The following SV2C variants were observed in gnomAD, a reference collection of about 807,000 sequenced individuals.
SV2C encodes synaptic vesicle glycoprotein 2C.
SV2C carries 49 observed loss-of-function variants against 79.7 expected under a neutral mutation model. That is an observed-to-expected ratio of 0.61 (90% CI 0.49 to 0.78). The LOEUF is 0.78. SV2C is among the 30% of genes least tolerant of loss of function. The probability of loss-of-function intolerance (pLI) is 0.00; values close to 1 mark genes in which losing one functional copy is unlikely to be tolerated. For synonymous variants in SV2C, 334 were observed against 333.2 expected (o/e 1.00, Z -0.03); for missense variants, 833 against 912.9 (o/e 0.91, Z 1.13).
At chr5:76,132,638 G>A (rs1295710955) in intron 2 of SV2C, among the ~76,000 whole-genome samples, 1 of 151,922 alleles carries the variant, frequency 6.6e-6, no homozygotes, top group Non-Finnish European at 1.5e-5. Context: ...TTTTATCATA[G>A]TTGCATTGGT....
At chr5:75,982,966 G>C in the SV2C span, among the ~76,000 whole-genome samples, 1 of 152,130 alleles carries the variant, frequency 6.6e-6, no homozygotes, top group Non-Finnish European at 1.5e-5. Flanking sequence ...CCTTTTGGAG[G>C]GGGGAGGGTG....
chr5:76,023,971 A>T, the SV2C span, among the ~76,000 whole-genome samples: 7 of 151,722 alleles, frequency 4.6e-5, no homozygotes, highest in Non-Finnish European at 1.0e-4. Flanking sequence ...ACAATAAAAA[A>T]TGTCTTCAAA....
At chr5:76,239,292 A>G (rs1213510801) in intron 4 of SV2C, among the ~76,000 whole-genome samples, 1 of 152,192 alleles carries the variant, frequency 6.6e-6, no homozygotes, top group Non-Finnish European at 1.5e-5. Flanking sequence ...TTAGTCTGCC[A>G]TGTCCATTGA....
chr5:75,981,864 T>G, the SV2C span, among the ~76,000 whole-genome samples: 1 of 152,084 alleles, frequency 6.6e-6, no homozygotes, highest in South Asian at 2.1e-4. Context: ...AAAAATTGAT[T>G]AATGGGATCT....
chr5:76,237,519 G>T (rs1254280061), intron 4 of SV2C, among the ~76,000 whole-genome samples: 1 of 152,122 alleles, frequency 6.6e-6, no homozygotes, highest in Non-Finnish European at 1.5e-5. Context: ...CCCCTGAGTT[G>T]ATCTATTTCT....
chr5:76,318,235 T>C (rs1748701886), intron 12 of SV2C, among the ~76,000 whole-genome samples: 1 of 152,010 alleles, frequency 6.6e-6, no homozygotes, highest in African/African-American at 2.4e-5. Flanking sequence ...CTGGCCAACA[T>C]GGTGAAACCC....
chr5:76,223,484 T>C (rs536257101), intron 4 of SV2C, among the ~76,000 whole-genome samples: 5 of 45,224 alleles, frequency 1.1e-4, no homozygotes, highest in East Asian at 4.2e-4. Context: ...TATATATATA[T>C]ATATATATAT....
intron 1 of SV2C, among the ~76,000 whole-genome samples, chr5:76,110,079 T>C (rs1217321890): frequency 6.6e-6 from 1 of 152,172 alleles, no homozygotes; most frequent in Non-Finnish European, 1.5e-5. Context: ...CTAACAACTG[T>C]AAGTGGTGTC....
chr5:76,088,029 T>C (rs550027452), intron 1 of SV2C, among the ~76,000 whole-genome samples: 1 of 152,294 alleles, frequency 6.6e-6, no homozygotes, highest in East Asian at 1.9e-4. Context: ...CCCTAGGTGG[T>C]CTGGCCTCTG....
chr5:76,282,960 C>T (rs985065653), intron 4 of SV2C, among the ~76,000 whole-genome samples: 6 of 152,182 alleles, frequency 3.9e-5, no homozygotes, highest in South Asian at 2.1e-4. Context: ...TACAGTGAGC[C>T]GAGATCATGC....
the SV2C span, among the ~76,000 whole-genome samples, chr5:75,949,196 GC>G: frequency 6.6e-6 from 1 of 151,978 alleles, no homozygotes; most frequent in Non-Finnish European, 1.5e-5. Context: ...CTCCCCATAA[GC>G]CAAGCAGATG....
chr5:76,033,895 C>G, the SV2C span, among the ~76,000 whole-genome samples: 4 of 151,666 alleles, frequency 2.6e-5, no homozygotes, highest in South Asian at 2.1e-4. Context: ...GAATGTTCTT[C>G]CATTTGTTTG....
the SV2C span, among the ~76,000 whole-genome samples, chr5:75,863,364 A>G: frequency 2.6e-5 from 4 of 152,228 alleles, no homozygotes; most frequent in Admixed American, 6.5e-5. Flanking sequence ...ATTGTACCAA[A>G]TATCATATAG....
Position 76,315,403 on chromosome 5 carries a change from A to C in SV2C, c.2001-9961A>C, listed in dbSNP as rs768152015. On this transcript the variant is annotated intron_variant, in intron 12 of 12. Coordinates refer to ENST00000502798, the MANE Select transcript of SV2C (RefSeq NM_014979.4). ...TTCCATTAAAATGTCTATTACAAAA[A>C]TCGACTTCCAACATATTTGGAAGAT... is the stretch of plus-strand genomic sequence containing the variant. Among the ~76,000 whole-genome samples, 6 of 152,210 alleles carry C rather than the reference A, an allele frequency of 3.9e-5. No individual in the cohort carries two copies. In the South Asian group the frequency reaches 1.2e-3, roughly 32 times the overall value.
Position 76,268,787 on chromosome 5 carries a change from T to C in SV2C, c.914-16375T>C, listed in dbSNP as rs1346257701. ...TTTCATTGTGTGTCACCTTTACTTG[T>C]CAACTTCAGGGTACATAAAGTTGCT... On this transcript the variant is annotated intron_variant, in intron 4 of 12. Coordinates refer to ENST00000502798, the MANE Select transcript of SV2C (RefSeq NM_014979.4). 2.0e-5 allele frequency among the ~76,000 whole-genome samples: 3 copies of C among 152,200 alleles called. No homozygotes were observed. In the South Asian group the frequency reaches 6.2e-4, roughly 32 times the overall value.
chr5:75,889,267 C>T, the SV2C span, among the ~76,000 whole-genome samples: 7 of 145,112 alleles, frequency 4.8e-5, no homozygotes, highest in African/African-American at 5.1e-5. Context: ...CACCCCCTGA[C>T]AGGCCCCAGT....
the SV2C span, among the ~76,000 whole-genome samples, chr5:75,977,223 C>T: frequency 1.3e-5 from 2 of 152,086 alleles, no homozygotes; most frequent in East Asian, 1.9e-4. Flanking sequence ...GTGTTAGATA[C>T]CTGTAGTCAG....
chr5:76,185,076 CA>C (rs1743870348), intron 2 of SV2C, among the ~76,000 whole-genome samples: 1 of 152,238 alleles, frequency 6.6e-6, no homozygotes, highest in South Asian at 2.1e-4. Context: ...GAAGGGGCTA[CA>C]GGCCCCATGT....
At position 76,327,113 on chromosome 5, in the gene SV2C, T is replaced by C. The variant is rs1456485849; in HGVS notation, c.*1566T>C. 1 of 152,200 alleles carries C rather than the reference T, an allele frequency of 6.6e-6. No individual in the cohort carries two copies. Among genetic ancestry groups the C allele is most frequent in the Non-Finnish European group, 1.5e-5 (1 of 68,026 alleles). 9.4% of individuals were successfully genotyped at this position (152,200 alleles called of 1,614,324 possible). On this transcript the variant is annotated 3_prime_UTR_variant, in exon 13 of 13. Coordinates refer to ENST00000502798, the MANE Select transcript of SV2C (RefSeq NM_014979.4). ...TTCCACTGATCATTATTTTCAGAGA[T>C]GTCCTAACTCCCCTGAGGCCCCCCT...
Sources: allele counts gnomAD v4.1 joint callset (sites outside exome capture counted in the v4.1 genomes callset), GRCh38; gene constraint gnomAD v4.1.1; transcripts MANE v1.5; gene names NCBI Gene and HGNC (gene_info 2026-07-23, HGNC 2026-07-21).